The following COL21A1 variants were observed in gnomAD, a reference collection of about 807,000 sequenced individuals.
COL21A1 encodes the protein collagen alpha-1(XXI) chain.
Under a neutral mutation model 137.9 loss-of-function variants are expected in COL21A1, and 149 were observed. That is an observed-to-expected ratio of 1.08 (90% confidence interval 0.95 to 1.24). COL21A1 has a LOEUF of 1.24. Ranked by LOEUF, COL21A1 falls within the 50% of genes most tolerant of loss-of-function variation. The pLI is 0.00. For missense variants in COL21A1, 1,167 were observed against 1,158.4 expected (o/e 1.01, Z -0.11); for synonymous variants, 456 against 391.5 (o/e 1.16, Z -1.95).
At chr6:56,114,275 G>A (rs1771704558) in intron 16 of COL21A1, among the ~76,000 whole-genome samples, 1 of 152,200 alleles carries the variant, frequency 6.6e-6, no homozygotes, top group South Asian at 2.1e-4. Context: ...GTGCTGTGCT[G>A]GCTTCAGATC....
At chr6:56,098,554 T>TAA (rs1225554195) in intron 17 of COL21A1, among the ~76,000 whole-genome samples, 3 of 26,212 alleles carry the variant, frequency 1.1e-4, no homozygotes, top group African/African-American at 1.4e-4. Flanking sequence ...TATAAATATA[T>TAA]ATAAATATAT....
At chr6:56,162,641 C>T (rs568111694) in intron 9 of COL21A1, among the ~76,000 whole-genome samples, 1 of 152,274 alleles carries the variant, frequency 6.6e-6, no homozygotes, top group South Asian at 2.1e-4. Context: ...CACTGAGAGT[C>T]AGAAAAGCAC....
rs140620604 is a variant in COL21A1, at chr6:56,197,565, C to T, written c.-38-14909G>A. ...CAAATGATGTAAATAGACAATTTTC[C>T]AAAGAAGACATACAAATGGTCAACA... is the stretch of plus-strand genomic sequence containing the variant. On this transcript the variant is annotated intron_variant, in intron 1 of 29. Coordinates refer to ENST00000244728, the MANE Select transcript of COL21A1 (RefSeq NM_030820.4). Among the ~76,000 whole-genome samples the T allele has an allele frequency of 9.3e-3, 1,406 of 151,948 alleles. 24 individuals carry two copies. Among genetic ancestry groups the T allele is most frequent in the African/African-American group, 0.031 (1,269 of 41,484 alleles).
chr6:56,184,615 A>G (rs1439676353), intron 1 of COL21A1, among the ~76,000 whole-genome samples: 1 of 152,224 alleles, frequency 6.6e-6, no homozygotes, highest in Non-Finnish European at 1.5e-5. Flanking sequence ...ACAACAGAAG[A>G]AGACACATTG....
At chr6:56,325,507 T>C (rs1241879057) in intron 1 of COL21A1, among the ~76,000 whole-genome samples, 1 of 802 alleles carries the variant, frequency 1.2e-3, no homozygotes, top group African/African-American at 1.5e-3. Flanking sequence ...ATTATATCTG[T>C]AATATATTAT....
intron 1 of COL21A1, among the ~76,000 whole-genome samples, chr6:56,242,618 C>T (rs1782400560): frequency 6.6e-6 from 1 of 152,106 alleles, no homozygotes; most frequent in Non-Finnish European, 1.5e-5. Flanking sequence ...AGAAAATTGT[C>T]AATGTTTCCT....
At chr6:56,315,674 TTCC>T (rs1382696795) in intron 1 of COL21A1, among the ~76,000 whole-genome samples, 5 of 151,766 alleles carry the variant, frequency 3.3e-5, no homozygotes, top group Admixed American at 3.3e-4. Flanking sequence ...CCTCTCCCTC[TTCC>T]TCCTCATCTC....
chr6:56,256,251 A>G (rs1165962671), intron 1 of COL21A1, among the ~76,000 whole-genome samples: 1 of 152,192 alleles, frequency 6.6e-6, no homozygotes, highest in Non-Finnish European at 1.5e-5. Flanking sequence ...ACAAATCTGG[A>G]AAACTTAATC....
chr6:56,272,739 T>C lies in COL21A1; in HGVS notation c.-38-90083A>G, dbSNP rs533409737. Among the ~76,000 whole-genome samples the C allele has an allele frequency of 3.3e-5, 5 of 152,264 alleles. No individual in the cohort carries two copies. In the South Asian group the frequency reaches 8.3e-4, roughly 25 times the overall value. Reference sequence around the variant, plus strand: ...ATAATGAGGGAGTTCTCATGAGATCTGATGGTTTAAAAGTGGCAGTTTCCC... The same window carrying C: ...ATAATGAGGGAGTTCTCATGAGATCCGATGGTTTAAAAGTGGCAGTTTCCC... On this transcript the variant is annotated intron_variant, in intron 1 of 28. Transcript: ENST00000370819.
intron 17 of COL21A1, among the ~76,000 whole-genome samples, chr6:56,080,576 C>T (rs934432525): frequency 3.3e-5 from 5 of 151,616 alleles, no homozygotes; most frequent in African/African-American, 1.2e-4. Context: ...CAGTATACTC[C>T]CCATATGTAA....
chr6:56,319,781 C>T lies in COL21A1; in HGVS notation c.-39+74190G>A, dbSNP rs77641592. 1.2e-3 allele frequency among the ~76,000 whole-genome samples: 186 copies of T among 152,218 alleles called. 1 individual carries two copies. Among genetic ancestry groups the T allele is most frequent in the Non-Finnish European group, 2.3e-3 (156 of 68,012 alleles). On this transcript the variant is annotated intron_variant, in intron 1 of 28. Transcript: ENST00000370819. The stretch of plus-strand genomic sequence containing the variant: ...TCTCCATGAAAGCTTAGGAGTTTAG[C>T]CATGGAATATATACCTGACAGGCTG...
intron 17 of COL21A1, among the ~76,000 whole-genome samples, chr6:56,098,412 T>A (rs866799982): frequency 1.9e-4 from 2 of 10,644 alleles, no homozygotes; most frequent in Non-Finnish European, 2.7e-4. Flanking sequence ...TAAATATATA[T>A]AAATATATAA....
At chr6:56,207,438 T>A (rs1418297486) in intron 1 of COL21A1, among the ~76,000 whole-genome samples, 1 of 152,024 alleles carries the variant, frequency 6.6e-6, no homozygotes, top group Non-Finnish European at 1.5e-5. Context: ...AAGTGTAGAA[T>A]AAATGGATAA....
At position 56,098,598 on chromosome 6, in the gene COL21A1, T is replaced by TATATAA. The variant is rs1562193456; in HGVS notation, c.1812+2873_1812+2874insTTATAT. ...ATAAATATATATAAATATATAAATA[T>TATATAA]ATATATAAATATATATAAATATATA... On this transcript the variant is annotated intron_variant, in intron 17 of 29. Coordinates refer to ENST00000244728, the MANE Select transcript of COL21A1 (RefSeq NM_030820.4). Among the ~76,000 whole-genome samples, 26 of 14,920 alleles carry TATATAA rather than the reference T, an allele frequency of 1.7e-3. 5 individuals are homozygous for TATATAA. Among genetic ancestry groups the TATATAA allele is most frequent in the African/African-American group, 9.6e-3 (25 of 2,606 alleles). The allele number at this position is 14,920 out of a possible 152,430, so 9.8% of individuals were successfully genotyped here.
chr6:56,261,130 G>A (rs1426869979), intron 1 of COL21A1, among the ~76,000 whole-genome samples: 1 of 151,808 alleles, frequency 6.6e-6, no homozygotes, highest in East Asian at 1.9e-4. Flanking sequence ...CTGTGAAGCC[G>A]TGACCTCTCA....
intron 23 of COL21A1, among the ~76,000 whole-genome samples, 179 bp downstream of exon 23, chr6:56,067,116 G>A (rs934539712): frequency 1.3e-5 from 2 of 151,342 alleles, no homozygotes; most frequent in African/African-American, 4.8e-5. Context: ...CAGCAAAGTG[G>A]TGAGGAATTT....
chr6:56,076,288 C>A (rs1271953375), intron 18 of COL21A1, among the ~76,000 whole-genome samples: 2 of 151,386 alleles, frequency 1.3e-5, no homozygotes, highest in Admixed American at 1.3e-4. Flanking sequence ...AAAGGCAGGT[C>A]TTCATTTCCT....
intron 1 of COL21A1, among the ~76,000 whole-genome samples, chr6:56,320,674 T>C (rs1764843710): frequency 6.6e-6 from 1 of 152,144 alleles, no homozygotes; most frequent in Non-Finnish European, 1.5e-5. Flanking sequence ...TTCCCCTCCC[T>C]AGAAATCTCT....
rs1012877109 is a variant in COL21A1 at position 56,205,307 on chromosome 6, A to C, written c.-38-22651T>G. 1.1e-4 allele frequency among the ~76,000 whole-genome samples: 17 copies of C among 152,318 alleles called. 1 individual carries two copies. Among genetic ancestry groups the C allele is most frequent in the Non-Finnish European group, 1.9e-4 (13 of 68,016 alleles). On this transcript the variant is annotated intron_variant, in intron 1 of 29. Transcript: ENST00000244728. The stretch of plus-strand genomic sequence containing the variant: ...GAACATAAGTGACCTGATGGAGCTG[A>C]AAAACACAGGACGAGAACTTCGTGA...
Sources: allele counts gnomAD v4.1 joint callset (sites outside exome capture counted in the v4.1 genomes callset), GRCh38; gene constraint gnomAD v4.1.1; transcripts MANE v1.5; gene names NCBI Gene and HGNC (gene_info 2026-07-23, HGNC 2026-07-21).